The following ABLIM3 variants were observed in gnomAD, a reference collection of about 807,000 sequenced individuals.
The protein encoded by ABLIM3 is actin-binding LIM protein 3.
In ABLIM3, 61 loss-of-function variants were observed where a neutral mutation model predicts 109.5. The ratio of observed to expected loss-of-function variants is 0.56; its 90% CI spans 0.45 to 0.69. The LOEUF is 0.69. Among genes scored for constraint, ABLIM3 ranks in the 30% least tolerant of loss-of-function variants. The probability of loss-of-function intolerance (pLI) is 0.00; values close to 1 mark genes in which losing one functional copy is unlikely to be tolerated. For missense variants in ABLIM3, 796 were observed against 889.5 expected (o/e 0.89, Z 1.34); for synonymous variants, 300 against 324.8 (o/e 0.92, Z 0.82).
At chr5:149,245,141 T>A in intron 16 of ABLIM3, 126 bp downstream of exon 16, 1 of 1,285,660 alleles carries the variant, frequency 7.8e-7, no homozygotes, top group Non-Finnish European at 1.1e-6. Flanking sequence ...GGTTTATAAC[T>A]AAGGGTGTTT....
At chr5:149,156,906 C>A (rs193184544) in intron 2 of ABLIM3, among the ~76,000 whole-genome samples, 24 of 152,348 alleles carry the variant, frequency 1.6e-4, no homozygotes, top group African/African-American at 5.3e-4. Flanking sequence ...GCCCGTGAGC[C>A]GGTTTGCTGA....
chr5:149,183,951 T>G (rs553459633), intron 3 of ABLIM3, among the ~76,000 whole-genome samples: 1 of 148,228 alleles, frequency 6.7e-6, no homozygotes, highest in South Asian at 2.2e-4. Context: ...TAGTTTTTTT[T>G]GTTTGTTTTT....
chr5:149,217,102 G>T, intron 8 of ABLIM3, 56 bp downstream of exon 8: 1 of 1,495,022 alleles, frequency 6.7e-7, no homozygotes, highest in Non-Finnish European at 9.3e-7. Context: ...CTGGAAAGGA[G>T]ATGCGATCTT....
rs367661691 is a variant in ABLIM3 at position 149,231,822 on chromosome 5, C to T, written c.816+1115C>T. Among the ~76,000 whole-genome samples the T allele has an allele frequency of 4.7e-4, 72 of 152,284 alleles. 1 individual carries two copies. In the South Asian group the frequency reaches 5.8e-3, roughly 12 times the overall value. ...ATTATATGCTTAATCTTTTTCTTTA[C>T]ATCAAGTCACTACTTTTTATTAACT... On this transcript the variant is annotated intron_variant, in intron 9 of 23. Coordinates refer to ENST00000309868, the MANE Select transcript of ABLIM3 (RefSeq NM_014945.5).
chr5:149,250,554 T>G, intron 20 of ABLIM3, 49 bp downstream of exon 20: 4 of 1,603,608 alleles, frequency 2.5e-6, no homozygotes, highest in Non-Finnish European at 3.4e-6. Flanking sequence ...CCCAAAATGC[T>G]AATAAACCCA....
intron 4 of ABLIM3, chr5:149,199,157 A>G (rs902928556): frequency 1.1e-5 from 5 of 455,806 alleles, no homozygotes; most frequent in Admixed American, 4.7e-5. Flanking sequence ...CAAGCAACAC[A>G]TTAAGGAGAT....
chr5:149,238,307 G>A (rs1340244747), intron 11 of ABLIM3, among the ~76,000 whole-genome samples: 2 of 152,164 alleles, frequency 1.3e-5, no homozygotes, highest in Non-Finnish European at 1.5e-5. Context: ...ATTTGAGGCA[G>A]CAGAAGCCTG....
intron 7 of ABLIM3, among the ~76,000 whole-genome samples, chr5:149,212,524 C>T (rs948065169): frequency 2.0e-5 from 3 of 152,214 alleles, no homozygotes; most frequent in Middle Eastern, 3.4e-3. Context: ...CCCTGCGTGA[C>T]CCAGGCAGGA....
intron 2 of ABLIM3, among the ~76,000 whole-genome samples, chr5:149,152,774 G>T (rs2127435708): frequency 6.6e-6 from 1 of 152,170 alleles, no homozygotes; most frequent in African/African-American, 2.4e-5. Context: ...TGTATGGGTT[G>T]GGTGAGTTTG....
chr5:149,210,750 C>G lies in ABLIM3; in HGVS notation c.600C>G (p.Ser200=), dbSNP rs140259812. 1.2e-6 allele frequency: 2 copies of G among 1,613,916 alleles called. No individual in the cohort carries two copies. Among genetic ancestry groups the G allele is most frequent in the East Asian group, 2.2e-5 (1 of 44,894 alleles). Reference sequence around the variant, plus strand: ...GGGATGGTGTTCCATACTGTGAGTCCGACTACCATGCCCAGTTTGGCATTA... The same window carrying G: ...GGGATGGTGTTCCATACTGTGAGTCGGACTACCATGCCCAGTTTGGCATTA... ...ISKDGVPYCE[S]DYHAQFGIKC... The change falls in exon 7 of 24, where the codon TCC becomes TCG. Residue 200 remains serine (S), a synonymous_variant. Transcript: ENST00000309868.
intron 11 of ABLIM3, among the ~76,000 whole-genome samples, chr5:149,238,310 G>A (rs1215141092): frequency 6.6e-6 from 1 of 152,168 alleles, no homozygotes; most frequent in Non-Finnish European, 1.5e-5. Context: ...TGAGGCAGCA[G>A]AAGCCTGTCC....
chr5:149,207,192 C>G (rs1759076523), intron 6 of ABLIM3, 58 bp downstream of exon 6: 12 of 1,576,354 alleles, frequency 7.6e-6, no homozygotes, highest in Non-Finnish European at 1.0e-5. Flanking sequence ...TGAGGCCTGC[C>G]CCATTGAGCC....
intron 15 of ABLIM3, chr5:149,244,642 A>G (rs1429074667): frequency 5.6e-6 from 3 of 532,850 alleles, no homozygotes; most frequent in Non-Finnish European, 1.0e-5. Flanking sequence ...CTCACATGCT[A>G]TGTGGTCTTA....
At chr5:149,157,544 A>T (rs575880901) in intron 2 of ABLIM3, among the ~76,000 whole-genome samples, 2 of 110,576 alleles carry the variant, frequency 1.8e-5, no homozygotes, top group Non-Finnish European at 3.4e-5. Flanking sequence ...ATGACATATG[A>T]CTTATGCTAG....
chr5:149,228,867 G>T (rs1358407622), intron 8 of ABLIM3, among the ~76,000 whole-genome samples: 1 of 152,110 alleles, frequency 6.6e-6, no homozygotes, highest in African/African-American at 2.4e-5. Context: ...ATTTCAGAGT[G>T]AAATGCCAAT....
rs76778315 is a variant in ABLIM3 at position 149,215,291 on chromosome 5, A to G, written c.670-1668A>G. The stretch of plus-strand genomic sequence containing the variant: ...GAATCAGTCCCACACATTCCAGCTT[A>G]GGAAAATAGCAGGCTCCTTCCAAAG... On this transcript the variant is annotated intron_variant, in intron 7 of 23. Coordinates refer to ENST00000309868, the MANE Select transcript of ABLIM3 (RefSeq NM_014945.5). 5.9e-5 allele frequency among the ~76,000 whole-genome samples: 9 copies of G among 152,360 alleles called. No individual in the cohort carries two copies. The Middle Eastern group carries it at 0.01, about 173-fold the overall frequency.
At chr5:149,141,746 T>C (rs1287979242) in intron 1 of ABLIM3, 92 bp downstream of exon 1, 2 of 307,804 alleles carry the variant, frequency 6.5e-6, no homozygotes, top group East Asian at 6.7e-5. Flanking sequence ...CCCTTTGGGC[T>C]CCGGAGCCGC....
intron 7 of ABLIM3, among the ~76,000 whole-genome samples, chr5:149,216,323 T>TGC (rs1228397911): frequency 6.6e-6 from 1 of 152,224 alleles, no homozygotes; most frequent in African/African-American, 2.4e-5. Context: ...CAGTATCACT[T>TGC]GCCATATTGC....
intron 14 of ABLIM3, among the ~76,000 whole-genome samples, chr5:149,242,209 G>A (rs1180093966): frequency 1.3e-5 from 2 of 152,070 alleles, no homozygotes; most frequent in Non-Finnish European, 2.9e-5. Flanking sequence ...ACACACCCCT[G>A]TGCCTGCATG....
Sources: gnomAD v4.1 joint callset for allele counts (sites outside exome capture counted in the v4.1 genomes callset) on GRCh38, gnomAD v4.1.1 for gene constraint, MANE v1.5 for transcripts, NCBI Gene and HGNC (gene_info 2026-07-23, HGNC 2026-07-21) for gene names.